The following IQCM variants were observed in gnomAD, a reference collection of about 807,000 sequenced individuals.
IQCM encodes the protein IQ domain-containing protein M.
A neutral mutation model predicts 57.6 loss-of-function variants in IQCM; 45 were observed. The observed-to-expected ratio is 0.78, with a 90% CI of 0.62 to 1.00. IQCM has a LOEUF of 1.00. Ranked by LOEUF, IQCM falls within the 50% of genes least tolerant of loss-of-function variation. The pLI, the probability that IQCM is intolerant of heterozygous loss-of-function variation, is 0.00. For missense variants in IQCM, 468 were observed against 511.6 expected (o/e 0.91, Z 0.82); for synonymous variants, 148 against 158.9 (o/e 0.93, Z 0.51).
intron 8 of IQCM, among the ~76,000 whole-genome samples, chr4:149,605,060 C>A (rs1754654364): frequency 6.6e-6 from 1 of 152,156 alleles, no homozygotes; most frequent in African/African-American, 2.4e-5. Context: ...ACAACTAAAA[C>A]TATTGTTAAC....
At chr4:149,503,616 G>A (rs1472553310) in intron 12 of IQCM, among the ~76,000 whole-genome samples, 1 of 151,896 alleles carries the variant, frequency 6.6e-6, no homozygotes, top group Non-Finnish European at 1.5e-5. Flanking sequence ...TAGGATATAA[G>A]GTATTTTTCT....
intron 13 of IQCM, among the ~76,000 whole-genome samples, chr4:149,369,460 T>C (rs1011645882): frequency 6.6e-6 from 1 of 152,180 alleles, no homozygotes; most frequent in African/African-American, 2.4e-5. Flanking sequence ...AAAAAAAATG[T>C]GTACAAATGC....
intron 2 of IQCM, among the ~76,000 whole-genome samples, chr4:149,813,376 A>G (rs1774770693): frequency 6.6e-6 from 1 of 152,090 alleles, no homozygotes; most frequent in South Asian, 2.1e-4. Context: ...AAGAATGGGA[A>G]GAACAGGACA....
chr4:149,607,189 T>A (rs1468581610), intron 8 of IQCM, among the ~76,000 whole-genome samples: 3 of 151,774 alleles, frequency 2.0e-5, no homozygotes, highest in Non-Finnish European at 4.4e-5. Flanking sequence ...AAATCACATA[T>A]AAAGGAGCTC....
Position 149,487,138 on chromosome 4 carries a change from A to G in IQCM, c.1229-53581T>C, listed in dbSNP as rs555346041. On this transcript the variant is annotated intron_variant, in intron 12 of 13. Transcript: ENST00000636793. Reference sequence around the variant, plus strand: ...TTCAAGGCCCAAGAGCTTTTTAGTCAGCAGGTGATAAATCTTGAAAAGACT... The same window carrying G: ...TTCAAGGCCCAAGAGCTTTTTAGTCGGCAGGTGATAAATCTTGAAAAGACT... Among the ~76,000 whole-genome samples, 177 of 152,256 alleles carry G rather than the reference A, an allele frequency of 1.2e-3. 1 individual carries two copies. The highest frequency in any genetic ancestry group is 2.2e-3 in the Non-Finnish European group (149 of 68,012).
chr4:149,618,920 A>C (rs2150068887), intron 8 of IQCM, among the ~76,000 whole-genome samples: 1 of 152,226 alleles, frequency 6.6e-6, no homozygotes, highest in Non-Finnish European at 1.5e-5. Flanking sequence ...AACAGTCTGG[A>C]GATTTCTCAG....
intron 12 of IQCM, among the ~76,000 whole-genome samples, chr4:149,511,739 G>A (rs1355121822): frequency 6.6e-6 from 1 of 152,064 alleles, no homozygotes; most frequent in Non-Finnish European, 1.5e-5. Context: ...AGCAGTGATA[G>A]TGTCTATCCT....
At chr4:149,511,091 A>T (rs1259218433) in intron 12 of IQCM, among the ~76,000 whole-genome samples, 1 of 152,172 alleles carries the variant, frequency 6.6e-6, no homozygotes. Flanking sequence ...TCCATAGAGG[A>T]TGTCACTGTC....
chr4:149,507,497 G>A (rs953792274), intron 12 of IQCM, among the ~76,000 whole-genome samples: 1 of 152,198 alleles, frequency 6.6e-6, no homozygotes, highest in Non-Finnish European at 1.5e-5. Context: ...TGGAGCAAAG[G>A]TGACTCTTGT....
chr4:149,444,897 GAAGAA>G (rs1278895122), intron 12 of IQCM, among the ~76,000 whole-genome samples: 4 of 151,848 alleles, frequency 2.6e-5, no homozygotes, highest in Non-Finnish European at 5.9e-5. Context: ...ATAGAACAAA[GAAGAA>G]AAGATGGTTG....
At chr4:149,593,382 T>C (rs916489241) in intron 8 of IQCM, among the ~76,000 whole-genome samples, 2 of 152,128 alleles carry the variant, frequency 1.3e-5, no homozygotes, top group Non-Finnish European at 1.5e-5. Flanking sequence ...TTTCTAAATA[T>C]ACAATCATAT....
intron 12 of IQCM, among the ~76,000 whole-genome samples, chr4:149,518,843 A>T (rs1052762979): frequency 6.6e-6 from 1 of 152,218 alleles, no homozygotes; most frequent in African/African-American, 2.4e-5. Context: ...GAGGTTACTT[A>T]AAGAAAGTAC....
chr4:149,795,108 A>T (rs184760318), intron 2 of IQCM, among the ~76,000 whole-genome samples: 2 of 152,336 alleles, frequency 1.3e-5, no homozygotes, highest in East Asian at 1.9e-4. Flanking sequence ...AAAATTTTTT[A>T]AAATTAGTTG....
At chr4:149,731,895 T>C (rs1766494960) in intron 5 of IQCM, among the ~76,000 whole-genome samples, 1 of 152,198 alleles carries the variant, frequency 6.6e-6, no homozygotes, top group African/African-American at 2.4e-5. Context: ...AAAGAACCCT[T>C]TGTCAGGTCA....
chr4:149,609,332 T>G (rs893958996), intron 8 of IQCM, among the ~76,000 whole-genome samples: 1 of 151,914 alleles, frequency 6.6e-6, no homozygotes, highest in South Asian at 2.1e-4. Context: ...CTAATACTAA[T>G]CATACTCAAA....
chr4:149,478,495 A>C (rs577027821), intron 12 of IQCM, among the ~76,000 whole-genome samples: 2 of 152,324 alleles, frequency 1.3e-5, no homozygotes, highest in South Asian at 4.1e-4. Context: ...GTCATGATAC[A>C]TAATTAGTGA....
At chr4:149,669,406 T>C (rs1205732373) in intron 7 of IQCM, among the ~76,000 whole-genome samples, 1 of 152,194 alleles carries the variant, frequency 6.6e-6, no homozygotes, top group Admixed American at 6.5e-5. Flanking sequence ...ATTGTAAAAA[T>C]TTTCTCCCGT....
intron 12 of IQCM, among the ~76,000 whole-genome samples, chr4:149,452,588 T>TG (rs1737236495): frequency 6.6e-6 from 1 of 151,594 alleles, no homozygotes; most frequent in African/African-American, 2.4e-5. Context: ...CTTTTCAAAC[T>TG]TTTTTGAGGA....
At chr4:149,529,094 C>A (rs146237157) in intron 12 of IQCM, among the ~76,000 whole-genome samples, 1 of 152,058 alleles carries the variant, frequency 6.6e-6, no homozygotes, top group Non-Finnish European at 1.5e-5. Flanking sequence ...GACAGAGTCT[C>A]ACTCCATCAC....
Sources: allele counts gnomAD v4.1 joint callset (sites outside exome capture counted in the v4.1 genomes callset), GRCh38; gene constraint gnomAD v4.1.1; transcripts MANE v1.5; gene names NCBI Gene and HGNC (gene_info 2026-07-23, HGNC 2026-07-21).